NAA25: variants seen among roughly 807,000 people sequenced by gnomAD.
NAA25 encodes the protein N-terminal acetyltransferase B complex subunit NAA25.
A neutral mutation model predicts 132.5 loss-of-function variants in NAA25; 30 were observed. The ratio of observed to expected loss-of-function variants is 0.23; its 90% CI spans 0.17 to 0.31. NAA25 has a LOEUF of 0.31. Among genes scored for constraint, NAA25 ranks in the 10% least tolerant of loss-of-function variants. NAA25 has a pLI of 1.00. For synonymous variants in NAA25, 359 were observed against 401.9 expected, an observed-to-expected ratio of 0.89 and a Z score of 1.28; for missense variants, 771 against 1,150.4, an observed-to-expected ratio of 0.67 and a Z score of 4.77.
intron 17 of NAA25, among the ~76,000 whole-genome samples, chr12:112,045,651 C>T (rs1198564944): frequency 5.9e-5 from 9 of 151,478 alleles, no homozygotes; most frequent in East Asian, 3.9e-4. Context: ...AAAAATTAGC[C>T]GGGCGTGGTG....
intron 1 of NAA25, among the ~76,000 whole-genome samples, chr12:112,102,154 G>A (rs1160351774): frequency 6.6e-6 from 1 of 151,964 alleles, no homozygotes; most frequent in African/African-American, 2.4e-5. Flanking sequence ...TCGCACCATT[G>A]CACTCCAGCC....
chr12:112,108,415 C>G (rs1038276374), intron 1 of NAA25, among the ~76,000 whole-genome samples: 10 of 152,350 alleles, frequency 6.6e-5, no homozygotes, highest in East Asian at 1.9e-4. Context: ...GCGGCGGTAA[C>G]GATGCAGCCT....
intron 12 of NAA25, among the ~76,000 whole-genome samples, chr12:112,060,594 T>C (rs953061025): frequency 6.6e-6 from 1 of 152,242 alleles, no homozygotes; most frequent in East Asian, 1.9e-4. Flanking sequence ...GTGGTATCCA[T>C]GATGGTCCCA....
chr12:112,084,698 G>A (rs2079019340), intron 4 of NAA25, among the ~76,000 whole-genome samples: 1 of 152,134 alleles, frequency 6.6e-6, no homozygotes, highest in South Asian at 2.1e-4. Context: ...GCTGAGACAG[G>A]AGGATCTCCT....
At chr12:112,053,234 C>T (rs1455137277) in intron 15 of NAA25, among the ~76,000 whole-genome samples, 2 of 152,158 alleles carry the variant, frequency 1.3e-5, no homozygotes, top group Non-Finnish European at 2.9e-5. Flanking sequence ...AGGCTATGAA[C>T]GCTTATGGAC....
intron 4 of NAA25, 145 bp from the exon 5 acceptor site, chr12:112,081,279 T>G (rs2078970377): frequency 1.5e-6 from 1 of 676,990 alleles, no homozygotes; most frequent in African/African-American, 1.8e-5. Flanking sequence ...ACTTGATGGC[T>G]TTAGCAACAG....
chr12:112,092,622 A>G lies in NAA25; in HGVS notation c.144+429T>C, dbSNP rs141224282. Among the ~76,000 whole-genome samples the G allele has an allele frequency of 2.6e-3, 391 of 152,232 alleles. 1 individual carries two copies. The highest frequency in any genetic ancestry group is 8.8e-3 in the African/African-American group (365 of 41,556). ...GCCTGGGCAACAAGAGTGAAACTCC[A>G]TCTCAAAAACAAAAGACACTAATAG... On this transcript the variant is annotated intron_variant, in intron 2 of 23. Coordinates refer to ENST00000261745, the MANE Select transcript of NAA25 (RefSeq NM_024953.4).
Position 112,049,720 on chromosome 12 carries a change from G to A in NAA25, c.1729-1277C>T, listed in dbSNP as rs76429577. The A allele has an allele frequency of 1.7e-3, 1,376 of 790,190 alleles. 16 individuals are homozygous for A. In the African/African-American group the frequency reaches 0.025, roughly 14 times the overall value. The allele number at this position is 790,190 out of a possible 1,614,324, so 48.9% of individuals were successfully genotyped here. A position where few individuals can be genotyped will look rare whatever the true frequency, so the allele number is the denominator to read the frequency against. ...AAAGCTCGAGTATACCTTCTAGCTT[G>A]ATTAAAGGACAGTGATACACCCTAT... On this transcript the variant is annotated intron_variant, in intron 15 of 23. Coordinates refer to ENST00000261745, the MANE Select transcript of NAA25 (RefSeq NM_024953.4). The surrounding 1 kb of genome is among the most constrained non-coding windows in gnomAD (Gnocchi z 4.7).
intron 1 of NAA25, among the ~76,000 whole-genome samples, chr12:112,102,747 C>A (rs945216426): frequency 6.8e-6 from 1 of 146,414 alleles, no homozygotes; most frequent in African/African-American, 2.5e-5. Flanking sequence ...AGTGCAATAG[C>A]GCGATCTCGG....
At chr12:112,035,610 T>G (rs2078213779) in intron 22 of NAA25, among the ~76,000 whole-genome samples, 1 of 152,062 alleles carries the variant, frequency 6.6e-6, no homozygotes, top group African/African-American at 2.4e-5. Context: ...CAGCAGAGCA[T>G]CCAATCTAAA....
intron 4 of NAA25, among the ~76,000 whole-genome samples, chr12:112,082,108 G>A (rs1312909451): frequency 2.0e-5 from 3 of 152,018 alleles, no homozygotes; most frequent in Admixed American, 6.6e-5. Context: ...AAAATTAGCT[G>A]GGCGTGGCAG....
chr12:112,029,896 C>T (rs1395398833), intron 23 of NAA25, among the ~76,000 whole-genome samples: 4 of 152,110 alleles, frequency 2.6e-5, no homozygotes, highest in Non-Finnish European at 5.9e-5. Flanking sequence ...CTTTCAAGTA[C>T]CCTTTGTTGT....
In NAA25 at chr12:112,060,432, G is replaced by T. The variant is rs975516302; in HGVS notation, c.1358-73C>A. On this transcript the variant is annotated intron_variant, in intron 12 of 23. Transcript: ENST00000261745. ...ACTGACCCCAAAGGAGTTTTTAAAA[G>T]CAGGAAAGTGACAGGAGGGAGAGGA... 5 of 972,074 alleles carry T rather than the reference G, an allele frequency of 5.1e-6. No homozygotes were observed. The African/African-American group carries it at 6.6e-5, about 13-fold the overall frequency. The allele number at this position is 972,074 out of a possible 1,614,324, so 60.2% of individuals were successfully genotyped here.
Position 112,049,530 on chromosome 12 carries a change from G to A in NAA25, c.1729-1087C>T, listed in dbSNP as rs1467190651. The A allele has an allele frequency of 9.1e-6, 9 of 985,728 alleles. No individual in the cohort carries two copies. Among genetic ancestry groups the A allele is most frequent in the Non-Finnish European group, 9.6e-6 (8 of 829,950 alleles). The allele number at this position is 985,728 out of a possible 1,614,324, so 61.1% of individuals were successfully genotyped here. ...GGTTCATTTCAGGCCGCGGGATTGC[G>A]CCACGGGCGCTAATTCAACTGCATT... On this transcript the variant is annotated intron_variant, in intron 15 of 23. Coordinates refer to ENST00000261745, the MANE Select transcript of NAA25 (RefSeq NM_024953.4). This position sits in a 1 kb window ranked among gnomAD's most constrained non-coding sequence, Gnocchi z 4.7.
At chr12:112,092,394 G>A (rs2079145930) in intron 2 of NAA25, among the ~76,000 whole-genome samples, 1 of 152,178 alleles carries the variant, frequency 6.6e-6, no homozygotes, top group Non-Finnish European at 1.5e-5. Flanking sequence ...GGAGGCTGAG[G>A]CAGGAGGATC....
At position 112,061,382 on chromosome 12, in the gene NAA25, T is replaced by A; in HGVS notation, c.1156A>T (p.Asn386Tyr). 1.2e-6 allele frequency: 2 copies of A among 1,613,388 alleles called. No individual in the cohort carries two copies. The highest frequency in any genetic ancestry group is 1.7e-6 in the Non-Finnish European group (2 of 1,179,482). The change falls in exon 12 of 24, where the codon AAT (asparagine) becomes TAT (tyrosine). Residue 386 changes from asparagine to tyrosine, a missense_variant. Asn to Tyr is a moderately radical substitution (Grantham distance 143). This residue lies in a region of NAA25 where 417 missense variants were observed against 733.8 expected (regional missense o/e 0.57). Transcript: ENST00000261745. ...LPATQCTKFI[N>Y]QLLGVVPLST... is the part of the protein sequence containing the mutation. ...AAAGGAACAACTCCAAGTAACTGATTAATAAACTGCAAAGTGGGGAAAAAA... is the reference window on the plus strand; with the variant it reads ...AAAGGAACAACTCCAAGTAACTGATAAATAAACTGCAAAGTGGGGAAAAAA...
chr12:112,072,723 G>A (rs2078832719), intron 9 of NAA25, among the ~76,000 whole-genome samples: 1 of 152,036 alleles, frequency 6.6e-6, no homozygotes, highest in Non-Finnish European at 1.5e-5. Flanking sequence ...AGGACTGCTT[G>A]GGCCCATGAG....
chr12:112,096,121 T>G (rs1473169244), intron 1 of NAA25, among the ~76,000 whole-genome samples: 1 of 152,176 alleles, frequency 6.6e-6, no homozygotes, highest in Non-Finnish European at 1.5e-5. Context: ...CTGTAAACCA[T>G]AAAGCAGTTT....
At chr12:112,030,907 C>T (rs1324051293) in intron 23 of NAA25, among the ~76,000 whole-genome samples, 1 of 151,854 alleles carries the variant, frequency 6.6e-6, no homozygotes, top group Non-Finnish European at 1.5e-5. Flanking sequence ...CAGGCATTAG[C>T]TTGAACAGAT....
Sources: allele counts gnomAD v4.1 joint callset (sites outside exome capture counted in the v4.1 genomes callset), GRCh38; gene constraint gnomAD v4.1.1; regional missense constraint gnomAD v4.1.1; non-coding constraint Gnocchi (gnomAD v3.1); transcripts MANE v1.5; gene names NCBI Gene and HGNC (gene_info 2026-07-23, HGNC 2026-07-21).